Variants in SLC20A2 observed in about 807,000 individuals in gnomAD.
SLC20A2 encodes the protein solute carrier family 20 member 2, also known as sodium-dependent phosphate transporter 2.
In SLC20A2, 30 loss-of-function variants were observed where a neutral mutation model predicts 61.0. That is an observed-to-expected ratio of 0.49 (90% CI 0.37 to 0.67). The LOEUF is 0.67. Ranked by LOEUF, SLC20A2 falls within the 30% of genes least tolerant of loss-of-function variation. The pLI is 0.00. For missense variants in SLC20A2, 626 were observed against 866.4 expected, an observed-to-expected ratio of 0.72 and a Z score of 3.48; for synonymous variants, 351 against 353.3, an observed-to-expected ratio of 0.99 and a Z score of 0.07.
At chr8:42,497,888 T>C (rs1810046177) in intron 1 of SLC20A2, among the ~76,000 whole-genome samples, 1 of 152,142 alleles carries the variant, frequency 6.6e-6, no homozygotes, top group Non-Finnish European at 1.5e-5. Flanking sequence ...CAAGCCTTCC[T>C]ATCAGCCCTT....
intron 1 of SLC20A2, among the ~76,000 whole-genome samples, chr8:42,485,642 CAAAAAA>C (rs941111189): frequency 3.6e-5 from 1 of 27,846 alleles, no homozygotes; most frequent in African/African-American, 1.6e-4. Flanking sequence ...AACTCCGTCT[CAAAAAA>C]AAAAAAAAAA....
chr8:42,450,716 G>A (rs1805575541), intron 5 of SLC20A2, among the ~76,000 whole-genome samples: 1 of 151,936 alleles, frequency 6.6e-6, no homozygotes. Flanking sequence ...TAGAGACAGA[G>A]TTTCTCCATG....
chr8:42,508,846 C>G (rs1246578836), intron 1 of SLC20A2, among the ~76,000 whole-genome samples: 1 of 152,212 alleles, frequency 6.6e-6, no homozygotes, highest in Non-Finnish European at 1.5e-5. Context: ...CAAGCTCCAT[C>G]AAGTAATAGC....
At chr8:42,481,451 C>A (rs1563508302) in intron 1 of SLC20A2, among the ~76,000 whole-genome samples, 1 of 152,124 alleles carries the variant, frequency 6.6e-6, no homozygotes, top group South Asian at 2.1e-4. Flanking sequence ...GGAGGTCCAA[C>A]TCTGGGCGCT....
intron 2 of SLC20A2, chr8:42,471,268 T>C: frequency 2.2e-6 from 1 of 455,880 alleles, no homozygotes; most frequent in South Asian, 1.6e-5. Flanking sequence ...AAGGTTCTTT[T>C]CTGTCGTAGC....
chr8:42,421,489 G>T (rs534462175), intron 10 of SLC20A2, among the ~76,000 whole-genome samples: 139 of 152,218 alleles, frequency 9.1e-4, no homozygotes, highest in Non-Finnish European at 1.5e-3. Context: ...TCACTCTTAC[G>T]AACTCTAGTA....
intron 1 of SLC20A2, among the ~76,000 whole-genome samples, chr8:42,474,857 G>A (rs1254433222): frequency 6.6e-6 from 1 of 151,228 alleles, no homozygotes; most frequent in African/African-American, 2.4e-5. Flanking sequence ...ACAGCCGGCG[G>A]GACATGGTGT....
intron 10 of SLC20A2, among the ~76,000 whole-genome samples, chr8:42,422,905 T>A (rs1205641986): frequency 1.3e-5 from 2 of 152,172 alleles, no homozygotes; most frequent in African/African-American, 2.4e-5. Flanking sequence ...GATCTGACAT[T>A]TTGTTAGTAG....
In SLC20A2 at chr8:42,445,023, G is replaced by T. The variant is rs561126485; in HGVS notation, c.614-261C>A. 7.2e-5 allele frequency among the ~76,000 whole-genome samples: 11 copies of T among 152,338 alleles called. No individual in the cohort carries two copies. In the South Asian group the frequency reaches 2.3e-3, roughly 32 times the overall value. ...TTACCAACTGGGGGCCAGGCATGGC[G>T]GCTCACACCTGTAATCCCAGCACTT... On this transcript the variant is annotated intron_variant, in intron 5 of 10. Transcript: ENST00000520262.
At chr8:42,453,349 T>C (rs1050406400) in intron 5 of SLC20A2, among the ~76,000 whole-genome samples, 4 of 152,220 alleles carry the variant, frequency 2.6e-5, no homozygotes, top group Non-Finnish European at 5.9e-5. Flanking sequence ...CAAAGACAAT[T>C]TTTTAAAAGT....
At chr8:42,478,149 G>C (rs1300603087) in intron 1 of SLC20A2, among the ~76,000 whole-genome samples, 1 of 151,504 alleles carries the variant, frequency 6.6e-6, no homozygotes, top group East Asian at 1.9e-4. Context: ...CTCTCAAAGT[G>C]CTGGGATCAC....
At chr8:42,495,104 C>T (rs1481979030) in intron 1 of SLC20A2, among the ~76,000 whole-genome samples, 1 of 152,042 alleles carries the variant, frequency 6.6e-6, no homozygotes, top group Non-Finnish European at 1.5e-5. Context: ...ATCCACCCAC[C>T]CTGGCCTCCC....
chr8:42,498,835 A>G (rs1466830815), intron 1 of SLC20A2, among the ~76,000 whole-genome samples: 3 of 152,160 alleles, frequency 2.0e-5, no homozygotes, highest in Non-Finnish European at 2.9e-5. Flanking sequence ...GCAACCTGTT[A>G]CATAGCGCAG....
intron 5 of SLC20A2, among the ~76,000 whole-genome samples, chr8:42,459,248 A>AAC (rs1563482707): frequency 4.0e-5 from 6 of 149,684 alleles, no homozygotes; most frequent in African/African-American, 1.5e-4. Context: ...AAAAAAAAAA[A>AAC]AAAAAAAAAA....
At position 42,463,082 on chromosome 8, in the gene SLC20A2, A is replaced by C. The variant is rs1806842141; in HGVS notation, c.439T>G (p.Trp147Gly). 1 of 1,580,936 alleles carries C rather than the reference A, an allele frequency of 6.3e-7. No individual in the cohort carries two copies. The highest frequency in any genetic ancestry group is 1.4e-5 in the African/African-American group (1 of 73,404). ...CCAGACAACAGTGGAGATATAAACC[A>C]AGAAGCAACTGAATAATTAAAAAAA... Reference protein sequence around the residue: ...WMELVKIVASWFISPLLSGFM... With the variant: ...WMELVKIVASGFISPLLSGFM... Residue 147 changes from tryptophan to glycine, a missense_variant, in exon 4 of 11, where the codon TGG becomes GGG. Trp to Gly is a radical substitution (Grantham distance 184). Around this residue, in one of 3 missense-constraint regions of SLC20A2, gnomAD observed 127 missense variants for 215.4 expected, o/e 0.59. Coordinates refer to ENST00000520262, the MANE Select transcript of SLC20A2 (RefSeq NM_001257180.2).
chr8:42,443,684 T>C (rs572124511), intron 6 of SLC20A2, among the ~76,000 whole-genome samples: 13 of 152,120 alleles, frequency 8.5e-5, no homozygotes, highest in African/African-American at 3.1e-4. Context: ...GTGGGCACAC[T>C]CTAAACCCCT....
In SLC20A2 at chr8:42,430,240, G is replaced by A. The variant is rs1043421796; in HGVS notation, c.1533C>T (p.Ile511=). Reference sequence around the variant, plus strand: ...TCAGCCACAAGGCTACCAGGGGACCGATGGCATTACTGGGAAAAATAAAAA... The same window carrying A: ...TCAGCCACAAGGCTACCAGGGGACCAATGGCATTACTGGGAAAAATAAAAA... ...AHGGNDVSNA[I]GPLVALWLIY... Residue 511 remains isoleucine, a synonymous_variant, in exon 9 of 11, where the codon ATC becomes ATT. Coordinates refer to ENST00000520262, the MANE Select transcript of SLC20A2 (RefSeq NM_001257180.2). 22 of 1,611,376 alleles carry A rather than the reference G, an allele frequency of 1.4e-5. No homozygotes were observed. Among genetic ancestry groups the A allele is most frequent in the Middle Eastern group, 1.7e-4 (1 of 6,040 alleles).
At chr8:42,476,327 T>C (rs915376538) in intron 1 of SLC20A2, among the ~76,000 whole-genome samples, 1 of 152,066 alleles carries the variant, frequency 6.6e-6, no homozygotes, top group South Asian at 2.1e-4. Flanking sequence ...ATGGTCTCAA[T>C]CTGCTGACCT....
At chr8:42,438,107 A>G (rs1439050664) in intron 7 of SLC20A2, among the ~76,000 whole-genome samples, 1 of 151,566 alleles carries the variant, frequency 6.6e-6, no homozygotes, top group Admixed American at 6.6e-5. Flanking sequence ...ACATACAACA[A>G]AAGGGTAAAA....
Sources: gnomAD v4.1 joint callset for allele counts (sites outside exome capture counted in the v4.1 genomes callset) on GRCh38, gnomAD v4.1.1 for gene constraint, gnomAD v4.1.1 regional missense constraint, MANE v1.5 for transcripts, NCBI Gene and HGNC (gene_info 2026-07-23, HGNC 2026-07-21) for gene names.